Variants in RFX2 observed in about 807,000 individuals in gnomAD.
RFX2 encodes the protein DNA-binding protein RFX2.
In RFX2, 20 loss-of-function variants were observed where a neutral mutation model predicts 87.8. The observed-to-expected ratio is 0.23, with a 90% CI of 0.16 to 0.33. The LOEUF (loss-of-function observed/expected upper bound fraction) is 0.33, where lower values mean the gene tolerates loss of function less well. Among genes scored for constraint, RFX2 ranks in the 10% least tolerant of loss-of-function variants. The pLI is 1.00. For synonymous variants in RFX2, 397 were observed against 431.3 expected (o/e 0.92, Z 0.98); for missense variants, 767 against 1,012.3 (o/e 0.76, Z 3.29).
At chr19:6,053,005 C>T (rs78486160) in intron 1 of RFX2, among the ~76,000 whole-genome samples, 5,920 of 151,724 alleles carry the variant, frequency 0.039, 280 homozygotes, top group African/African-American at 0.11. Flanking sequence ...GATTTAAGAA[C>T]GTTTTCAACC....
Position 6,047,595 on chromosome 19 carries a change from T to C in RFX2, c.-8-91A>G. ...TAACAAGTTCAAGGGAGGGAAGGAGTAACCAGCTACATTCTTCAAAGTCGA... is the reference window on the plus strand; with the variant it reads ...TAACAAGTTCAAGGGAGGGAAGGAGCAACCAGCTACATTCTTCAAAGTCGA... On this transcript the variant is annotated intron_variant, in intron 1 of 17. Coordinates refer to ENST00000303657, the MANE Select transcript of RFX2 (RefSeq NM_000635.4). This position sits in a 1 kb window ranked among gnomAD's most constrained non-coding sequence, Gnocchi z 4.2. The C allele has an allele frequency of 3.2e-5, 30 of 938,998 alleles. No individual in the cohort carries two copies. The highest frequency in any genetic ancestry group is 4.6e-5 in the Non-Finnish European group (28 of 602,300). 58.2% of individuals were successfully genotyped at this position (938,998 alleles called of 1,614,324 possible).
chr19:6,098,328 T>C (rs1396967609), intron 1 of RFX2, among the ~76,000 whole-genome samples: 1 of 152,114 alleles, frequency 6.6e-6, no homozygotes, highest in Admixed American at 6.6e-5. Context: ...TGGGGCTACA[T>C]TGCGGGAACT....
Position 6,013,679 on chromosome 19 carries a change from C to T in RFX2, c.780-574G>A, listed in dbSNP as rs767639694. On this transcript the variant is annotated intron_variant, in intron 7 of 17. Transcript: ENST00000303657. The surrounding 1 kb of genome is among the most constrained non-coding windows in gnomAD (Gnocchi z 4.1). ...GACAGCTGGCGTGTGCCAACACACTCGGATGGTAGAAGTGATCCTCCTGCT... is the reference window on the plus strand; with the variant it reads ...GACAGCTGGCGTGTGCCAACACACTTGGATGGTAGAAGTGATCCTCCTGCT... Among the ~76,000 whole-genome samples, 12 of 152,154 alleles carry T rather than the reference C, an allele frequency of 7.9e-5. No homozygotes were observed. The highest frequency in any genetic ancestry group is 1.9e-4 in the East Asian group (1 of 5,168).
rs2086598859 is a variant in RFX2, at chr19:6,007,500, T to C, written c.1247+190A>G. ...CCTCCCTATTCAAACAGTCTGACCC[T>C]GCAAAGGGGCGGATGGCAATGTGAA... is the stretch of plus-strand genomic sequence containing the variant. On this transcript the variant is annotated intron_variant, in intron 11 of 17. Transcript: ENST00000303657. This position sits in a 1 kb window ranked among gnomAD's most constrained non-coding sequence, Gnocchi z 8.2. Among the ~76,000 whole-genome samples the C allele has an allele frequency of 6.6e-6, 1 of 152,224 alleles. No homozygotes were observed. Among genetic ancestry groups the C allele is most frequent in the Non-Finnish European group, 1.5e-5 (1 of 68,046 alleles).
intron 1 of RFX2, among the ~76,000 whole-genome samples, chr19:6,082,581 C>G (rs2087800840): frequency 6.6e-6 from 1 of 152,116 alleles, no homozygotes; most frequent in Admixed American, 6.5e-5. Flanking sequence ...CACAGGCGTG[C>G]ACCACCACTC....
At chr19:6,077,152 C>T (rs1331172529) in intron 1 of RFX2, 2 of 152,354 alleles carry the variant, frequency 1.3e-5, no homozygotes, top group East Asian at 3.9e-4. Flanking sequence ...TAGTGCCATC[C>T]TTGCCGGTGA....
At chr19:6,096,518 C>T (rs372922984) in intron 1 of RFX2, among the ~76,000 whole-genome samples, 1 of 152,286 alleles carries the variant, frequency 6.6e-6, no homozygotes, top group East Asian at 1.9e-4. Context: ...GCGATCTCGG[C>T]TCACTGCAAG....
At position 6,002,690 on chromosome 19, in the gene RFX2, C is replaced by G. The variant is rs8103398; in HGVS notation, c.1650+31G>C. 3.7e-6 allele frequency: 6 copies of G among 1,608,474 alleles called. No individual in the cohort carries two copies. The highest frequency in any genetic ancestry group is 2.7e-5 in the African/African-American group (2 of 74,818). ...TGGTTTTGCTGGAGGGCGGGAAGCC[C>G]GGGCCCTGGGGACGGTGTGGAGGAA... is the stretch of plus-strand genomic sequence containing the variant. On this transcript the variant is annotated intron_variant, in intron 14 of 17. Transcript: ENST00000303657. This position sits in a 1 kb window ranked among gnomAD's most constrained non-coding sequence, Gnocchi z 6.7.
At chr19:5,996,195 G>A (rs1479606133) in intron 16 of RFX2, among the ~76,000 whole-genome samples, 1 of 55,748 alleles carries the variant, frequency 1.8e-5, no homozygotes, top group African/African-American at 8.2e-5. Context: ...GCCATCCCAC[G>A]CAGCCCAGCA....
rs113372727 is a variant in RFX2, at chr19:5,999,904, G to A, written c.1859+1911C>T. Among the ~76,000 whole-genome samples the A allele has an allele frequency of 6.0e-4, 91 of 152,250 alleles. No homozygotes were observed. Among genetic ancestry groups the A allele is most frequent in the African/African-American group, 1.7e-3 (70 of 41,552 alleles). ...GCAGGTGCAAAGGCCCTGAGGCAGC[G>A]TGGCCAGGGGAGTGTGTAAGGAGAC... On this transcript the variant is annotated intron_variant, in intron 15 of 17. Coordinates refer to ENST00000303657, the MANE Select transcript of RFX2 (RefSeq NM_000635.4). The surrounding 1 kb of genome is among the most constrained non-coding windows in gnomAD (Gnocchi z 4.1).
chr19:5,996,728 G>C (rs555237873), intron 16 of RFX2, among the ~76,000 whole-genome samples: 14 of 152,360 alleles, frequency 9.2e-5, no homozygotes, highest in African/African-American at 3.1e-4. Flanking sequence ...GAAAACTCTG[G>C]GTGGTGTGTC....
chr19:6,073,270 G>A (rs556287721), intron 1 of RFX2: 29 of 797,646 alleles, frequency 3.6e-5, no homozygotes, highest in South Asian at 3.4e-4. Context: ...ATGAGCCACC[G>A]CGCCTGCAAG....
intron 1 of RFX2, among the ~76,000 whole-genome samples, chr19:6,084,027 G>T (rs2078113650): frequency 6.6e-6 from 1 of 152,130 alleles, no homozygotes; most frequent in African/African-American, 2.4e-5. Context: ...AGAATTCTCG[G>T]CAGAGAAGAC....
intron 1 of RFX2, among the ~76,000 whole-genome samples, chr19:6,060,706 G>A (rs1487417223): frequency 1.3e-5 from 2 of 151,932 alleles, no homozygotes; most frequent in Non-Finnish European, 2.9e-5. Flanking sequence ...GTTTCGTGTC[G>A]CTCCTCGAAG....
chr19:6,087,156 G>A (rs1177716020), intron 1 of RFX2, among the ~76,000 whole-genome samples: 3 of 152,126 alleles, frequency 2.0e-5, no homozygotes, highest in Non-Finnish European at 4.4e-5. Flanking sequence ...TGGTCGCAGC[G>A]GGTCAGAAGC....
At chr19:6,055,505 C>G (rs2087324518) in intron 1 of RFX2, among the ~76,000 whole-genome samples, 1 of 152,164 alleles carries the variant, frequency 6.6e-6, no homozygotes, top group Non-Finnish European at 1.5e-5. Flanking sequence ...CTCACTGCAT[C>G]CTCAACCTCC....
chr19:6,102,902 A>G lies in RFX2; in HGVS notation c.-9+7491T>C, dbSNP rs1445430439. ...CTACTTGAGAGGCTGAGGCAGGAGGATTGCTTGAGCCCAGGAGTTTGAGGC... is the reference window on the plus strand; with the variant it reads ...CTACTTGAGAGGCTGAGGCAGGAGGGTTGCTTGAGCCCAGGAGTTTGAGGC... On this transcript the variant is annotated intron_variant, in intron 1 of 17. Transcript: ENST00000303657. 5.9e-5 allele frequency among the ~76,000 whole-genome samples: 9 copies of G among 152,168 alleles called. No homozygotes were observed. The East Asian group carries it at 1.7e-3, about 29-fold the overall frequency.
At chr19:6,037,026 T>G (rs1336599975) in intron 5 of RFX2, among the ~76,000 whole-genome samples, 1 of 152,180 alleles carries the variant, frequency 6.6e-6, no homozygotes, top group Non-Finnish European at 1.5e-5. Context: ...GGCTCACACC[T>G]GTAATCCCAG....
rs1027817871 is a variant in RFX2, at chr19:6,023,754, C to T, written c.597+2409G>A. The stretch of plus-strand genomic sequence containing the variant: ...AAGGATCCCAGCAGCCAGAGACAAG[C>T]GGCTCATGCATTTTCCCATAGACAT... On this transcript the variant is annotated intron_variant, in intron 6 of 17. Coordinates refer to ENST00000303657, the MANE Select transcript of RFX2 (RefSeq NM_000635.4). The surrounding 1 kb of genome is among the most constrained non-coding windows in gnomAD (Gnocchi z 4.9). Among the ~76,000 whole-genome samples the T allele has an allele frequency of 1.3e-5, 2 of 151,974 alleles. No homozygotes were observed. Among genetic ancestry groups the T allele is most frequent in the Admixed American group, 1.3e-4 (2 of 15,256 alleles).
Sources: gnomAD v4.1 joint callset for allele counts (sites outside exome capture counted in the v4.1 genomes callset) on GRCh38, gnomAD v4.1.1 for gene constraint, Gnocchi (gnomAD v3.1) non-coding constraint, MANE v1.5 for transcripts, NCBI Gene and HGNC (gene_info 2026-07-23, HGNC 2026-07-21) for gene names.